The following STAU2 variants were observed in gnomAD, a reference collection of about 807,000 sequenced individuals.
STAU2 encodes the protein staufen double-stranded RNA binding protein 2, also known as double-stranded RNA-binding protein Staufen homolog 2.
STAU2 carries 20 observed loss-of-function variants against 65.9 expected under a neutral mutation model. The ratio of observed to expected loss-of-function variants is 0.30; its 90% CI spans 0.21 to 0.44. The LOEUF is 0.44. Ranked by LOEUF, STAU2 falls within the 20% of genes least tolerant of loss-of-function variation. The pLI is 1.00. For synonymous variants in STAU2, 232 were observed against 233.9 expected, an observed-to-expected ratio of 0.99 and a Z score of 0.07; for missense variants, 558 against 683.9, an observed-to-expected ratio of 0.82 and a Z score of 2.05.
In STAU2 at chr8:73,426,356, T is replaced by C. The variant is rs570613899; in HGVS notation, c.1531-3654A>G. Among the ~76,000 whole-genome samples the C allele has an allele frequency of 4.6e-5, 7 of 152,272 alleles. No homozygotes were observed. The East Asian group carries it at 1.2e-3, about 25-fold the overall frequency. Reference sequence around the variant, plus strand: ...TCTAGCTGCTTGAAACTATAGAACATATTACTGTTAACTATAGTCTTTCTA... The same window carrying C: ...TCTAGCTGCTTGAAACTATAGAACACATTACTGTTAACTATAGTCTTTCTA... On this transcript the variant is annotated intron_variant, in intron 13 of 14. Transcript: ENST00000524300.
At chr8:73,673,772 G>A (rs1248618033) in intron 5 of STAU2, among the ~76,000 whole-genome samples, 1 of 151,992 alleles carries the variant, frequency 6.6e-6, no homozygotes, top group Non-Finnish European at 1.5e-5. Flanking sequence ...AAACTAAAAT[G>A]TCATCGAATA....
intron 6 of STAU2, among the ~76,000 whole-genome samples, chr8:73,637,477 TAAAAAAAAAAAAAA>T (rs60833468): frequency 3.5e-5 from 2 of 57,086 alleles, no homozygotes; most frequent in Admixed American, 2.9e-4. Flanking sequence ...GTGCTGAAAG[TAAAAAAAAAAAAAA>T]AAAAAAAAAA....
Position 73,613,648 on chromosome 8 carries a change from T to TA in STAU2, c.891+95dup, listed in dbSNP as rs1812629793. On this transcript the variant is annotated intron_variant, in intron 9 of 14. Coordinates refer to ENST00000524300, the MANE Select transcript of STAU2 (RefSeq NM_001164380.2). ...TCATTTCAGGACTGTATATAGTCCA[T>TA]AAGTTCAGGGATCTGCCTTATAGAA... is the stretch of plus-strand genomic sequence containing the variant. The TA allele has an allele frequency of 4.4e-6, 4 of 907,640 alleles. No homozygotes were observed. In the South Asian group the frequency reaches 7.2e-5, roughly 16 times the overall value. 56.2% of individuals were successfully genotyped at this position (907,640 alleles called of 1,614,324 possible).
At chr8:73,607,635 G>A (rs2129769063) in intron 9 of STAU2, among the ~76,000 whole-genome samples, 1 of 151,616 alleles carries the variant, frequency 6.6e-6, no homozygotes, top group South Asian at 2.1e-4. Context: ...TACTAGGGAG[G>A]CTGAGGCAGG....
At chr8:73,614,294 T>G (rs1812674709) in intron 8 of STAU2, among the ~76,000 whole-genome samples, 1 of 152,190 alleles carries the variant, frequency 6.6e-6, no homozygotes, top group African/African-American at 2.4e-5. Flanking sequence ...CATATTAGAT[T>G]GGTCATCTAG....
intron 12 of STAU2, among the ~76,000 whole-genome samples, chr8:73,563,048 C>A (rs11993253): frequency 0.35 from 52,618 of 152,020 alleles, 10,508 homozygotes; most frequent in Non-Finnish European, 0.45. Context: ...AGGAAAGAAG[C>A]AGCCTAGCAA....
chr8:73,572,299 C>A (rs1352543823), intron 12 of STAU2, among the ~76,000 whole-genome samples: 2 of 152,196 alleles, frequency 1.3e-5, no homozygotes, highest in South Asian at 4.1e-4. Flanking sequence ...GATGGATTCA[C>A]AGCTGAATTC....
chr8:73,691,683 C>G lies in STAU2; in HGVS notation c.115-2870G>C, dbSNP rs530434780. Among the ~76,000 whole-genome samples the G allele has an allele frequency of 1.8e-4, 28 of 152,258 alleles. No homozygotes were observed. In the South Asian group the frequency reaches 5.8e-3, roughly 32 times the overall value. ...TCAGTATCTCTCCCCTAAACTACCA[C>G]AACACCACCTGTGGTATATAAGAAA... On this transcript the variant is annotated intron_variant, in intron 4 of 14. Transcript: ENST00000524300.
intron 10 of STAU2, among the ~76,000 whole-genome samples, chr8:73,595,825 CA>C (rs1811140706): frequency 6.6e-6 from 1 of 152,032 alleles, no homozygotes; most frequent in Non-Finnish European, 1.5e-5. Context: ...TGATTAAAAA[CA>C]AGGCTTCTGG....
intron 3 of STAU2, among the ~76,000 whole-genome samples, chr8:73,721,068 C>T (rs1465588946): frequency 6.8e-6 from 1 of 147,268 alleles, no homozygotes; most frequent in African/African-American, 2.5e-5. Context: ...TCACCTGAAC[C>T]CAGGAGTTCT....
Position 73,709,023 on chromosome 8 carries a change from T to C in STAU2, c.114+9A>G, listed in dbSNP as rs979568345. The C allele has an allele frequency of 1.3e-6, 2 of 1,515,540 alleles. No homozygotes were observed. The highest frequency in any genetic ancestry group is 1.8e-6 in the Non-Finnish European group (2 of 1,137,832). The allele number at this position is 1,515,540 out of a possible 1,614,324, so 93.9% of individuals were successfully genotyped here. On this transcript the variant is annotated intron_variant, in intron 4 of 14. Transcript: ENST00000524300. ...AAGTATGTCTCACCACCTCTCTTCA[T>C]AACCTTACCTTTGAATGAGCAGGCC... is the stretch of plus-strand genomic sequence containing the variant.
At chr8:73,733,598 T>G (rs1045119398) in intron 3 of STAU2, among the ~76,000 whole-genome samples, 18 of 152,294 alleles carry the variant, frequency 1.2e-4, no homozygotes, top group African/African-American at 4.1e-4. Context: ...TTATAAATAC[T>G]AACTCAGAAA....
chr8:73,633,491 T>A (rs1814253471), intron 6 of STAU2, among the ~76,000 whole-genome samples: 1 of 152,168 alleles, frequency 6.6e-6, no homozygotes, highest in Admixed American at 6.5e-5. Context: ...AGGATGCATG[T>A]GAGATCTGAA....
intron 3 of STAU2, among the ~76,000 whole-genome samples, chr8:73,716,237 C>T (rs57705919): frequency 0.2 from 30,908 of 151,832 alleles, 3,501 homozygotes; most frequent in East Asian, 0.37. Flanking sequence ...TACAGGCGCC[C>T]GCCACCACGC....
At chr8:73,585,634 G>A (rs147221128) in intron 11 of STAU2, among the ~76,000 whole-genome samples, 1,685 of 152,278 alleles carry the variant, frequency 0.011, 22 homozygotes, top group South Asian at 0.043. Context: ...TAATTACTAC[G>A]AGAACTTCTC....
At chr8:73,537,268 T>A (rs939990400) in intron 13 of STAU2, among the ~76,000 whole-genome samples, 3 of 152,116 alleles carry the variant, frequency 2.0e-5, no homozygotes, top group African/African-American at 7.2e-5. Context: ...TCTGATGACT[T>A]GTGTCATCAG....
intron 6 of STAU2, among the ~76,000 whole-genome samples, chr8:73,635,728 G>A (rs1397981908): frequency 6.6e-6 from 1 of 151,884 alleles, no homozygotes; most frequent in African/African-American, 2.4e-5. Context: ...GGGAGGCTGA[G>A]GCAGAAGAAT....
chr8:73,470,804 T>TA (rs967077465), intron 13 of STAU2, among the ~76,000 whole-genome samples: 5 of 134,766 alleles, frequency 3.7e-5, no homozygotes, highest in Admixed American at 1.5e-4. Flanking sequence ...ATCCTGCCTC[T>TA]AAAAAAAAAA....
chr8:73,640,326 T>G (rs886253670), intron 6 of STAU2, among the ~76,000 whole-genome samples: 2 of 152,100 alleles, frequency 1.3e-5, no homozygotes, highest in African/African-American at 4.8e-5. Context: ...TGGAACTGAT[T>G]AGAAGACACT....
Sources: allele counts gnomAD v4.1 joint callset (sites outside exome capture counted in the v4.1 genomes callset), GRCh38; gene constraint gnomAD v4.1.1; transcripts MANE v1.5; gene names NCBI Gene and HGNC (gene_info 2026-07-23, HGNC 2026-07-21).